CNTLN: variants seen among roughly 807,000 people sequenced by gnomAD.
CNTLN encodes centlein, centrosomal protein.
Under a neutral mutation model 180.0 loss-of-function variants are expected in CNTLN, and 212 were observed. The ratio of observed to expected loss-of-function variants is 1.18; its 90% CI spans 1.05 to 1.32. CNTLN has a LOEUF of 1.32. Among genes scored for constraint, CNTLN ranks in the 40% most tolerant of loss-of-function variants. The pLI, the probability that CNTLN is intolerant of heterozygous loss-of-function variation, is 0.00. For missense variants in CNTLN, 2,095 were observed against 1,610.9 expected, an observed-to-expected ratio of 1.30 and a Z score of -5.14; for synonymous variants, 722 against 563.1, an observed-to-expected ratio of 1.28 and a Z score of -3.99.
rs1185998235 is a variant in CNTLN at position 17,341,295 on chromosome 9, T to TG, written c.1766+349dup. 2.6e-4 allele frequency among the ~76,000 whole-genome samples: 40 copies of TG among 152,332 alleles called. 1 individual carries two copies. The highest frequency in any genetic ancestry group is 2.1e-4 in the Non-Finnish European group (14 of 68,038). Reference sequence around the variant, plus strand: ...ACTTGCTTTTAAATAAATAAAATACTGGTGTTAAAATGTTTATAACTCCAA... The same window carrying TG: ...ACTTGCTTTTAAATAAATAAAATACTGGGTGTTAAAATGTTTATAACTCCAA... On this transcript the variant is annotated intron_variant, in intron 11 of 25. Transcript: ENST00000380647.
chr9:17,214,947 C>A (rs1280259558), intron 2 of CNTLN, among the ~76,000 whole-genome samples: 2 of 152,114 alleles, frequency 1.3e-5, no homozygotes, highest in African/African-American at 4.8e-5. Flanking sequence ...TCTAGTTAGC[C>A]ATTTGTCTAA....
rs192178822 is a variant in CNTLN at position 17,336,777 on chromosome 9, T to G, written c.1644+4047T>G. On this transcript the variant is annotated intron_variant, in intron 10 of 25. Transcript: ENST00000380647. ...AATGTGCAGGTTTGTTACATAGGTG[T>G]ACATGTGCCATGGTGGTTTGCTGCA... is the stretch of plus-strand genomic sequence containing the variant. 2.6e-4 allele frequency among the ~76,000 whole-genome samples: 39 copies of G among 152,340 alleles called. No homozygotes were observed. In the East Asian group the frequency reaches 7.3e-3, roughly 29 times the overall value.
intron 2 of CNTLN, among the ~76,000 whole-genome samples, chr9:17,174,752 C>T (rs1256462685): frequency 6.6e-6 from 1 of 151,426 alleles, no homozygotes; most frequent in Non-Finnish European, 1.5e-5. Flanking sequence ...AGTGTCTATA[C>T]CATTTTACAT....
At chr9:17,520,372 AG>A in the CNTLN span, among the ~76,000 whole-genome samples, 1 of 152,236 alleles carries the variant, frequency 6.6e-6, no homozygotes, top group Non-Finnish European at 1.5e-5. Flanking sequence ...AACAGCAGGT[AG>A]AGGATCAGAG....
At chr9:17,467,675 G>A (rs930493010) in intron 23 of CNTLN, among the ~76,000 whole-genome samples, 2 of 151,608 alleles carry the variant, frequency 1.3e-5, no homozygotes, top group African/African-American at 2.4e-5. Context: ...TTTAGTAAAT[G>A]TAATTTACCT....
chr9:17,296,392 C>T (rs1417530305), intron 6 of CNTLN, among the ~76,000 whole-genome samples: 2 of 152,002 alleles, frequency 1.3e-5, no homozygotes, highest in East Asian at 1.9e-4. Context: ...GCTACGGATT[C>T]GGGCCTTCTC....
intron 13 of CNTLN, among the ~76,000 whole-genome samples, chr9:17,374,280 A>G (rs1472399915): frequency 6.6e-6 from 1 of 152,244 alleles, no homozygotes; most frequent in Non-Finnish European, 1.5e-5. Flanking sequence ...AAAAAATTTA[A>G]TAATCCAATT....
At chr9:17,259,361 G>C (rs866205274) in intron 5 of CNTLN, among the ~76,000 whole-genome samples, 7 of 130,426 alleles carry the variant, frequency 5.4e-5, no homozygotes, top group South Asian at 6.4e-4. Context: ...TTGATGTGCT[G>C]CTGGATTCAG....
chr9:17,325,039 A>AT (rs1338598785), intron 8 of CNTLN, among the ~76,000 whole-genome samples: 1 of 151,746 alleles, frequency 6.6e-6, no homozygotes, highest in Non-Finnish European at 1.5e-5. Context: ...ATTTGTTGAT[A>AT]TTAGACATTT....
At chr9:17,372,196 C>T (rs1301422047) in intron 13 of CNTLN, among the ~76,000 whole-genome samples, 4 of 151,814 alleles carry the variant, frequency 2.6e-5, no homozygotes, top group African/African-American at 9.7e-5. Context: ...AAAAAGCTAA[C>T]CAAAATTTAC....
At chr9:17,354,784 C>A (rs897524102) in intron 12 of CNTLN, among the ~76,000 whole-genome samples, 1 of 152,066 alleles carries the variant, frequency 6.6e-6, no homozygotes, top group African/African-American at 2.4e-5. Flanking sequence ...CCGCTCCAGT[C>A]CCCTTCCACA....
intron 12 of CNTLN, among the ~76,000 whole-genome samples, chr9:17,343,453 T>A (rs1821637766): frequency 6.6e-6 from 1 of 152,202 alleles, no homozygotes. Flanking sequence ...GTATAACTTT[T>A]GTTTACAGCC....
intron 10 of CNTLN, among the ~76,000 whole-genome samples, chr9:17,340,047 C>T (rs987462302): frequency 6.6e-6 from 1 of 151,984 alleles, no homozygotes; most frequent in African/African-American, 2.4e-5. Flanking sequence ...GTCCTAGCTA[C>T]TTGGGAGGCT....
At chr9:17,473,240 C>G (rs190936599) in intron 23 of CNTLN, among the ~76,000 whole-genome samples, 101 of 152,296 alleles carry the variant, frequency 6.6e-4, no homozygotes, top group African/African-American at 2.2e-3. Flanking sequence ...CTCCACATTT[C>G]CCAGTCATTC....
At chr9:17,143,245 C>G (rs772988743) in intron 1 of CNTLN, 43 bp from the exon 2 acceptor site, 4 of 1,330,886 alleles carry the variant, frequency 3.0e-6, no homozygotes, top group Non-Finnish European at 4.3e-6. Flanking sequence ...ATTTCACTAC[C>G]ACTACAAAGC....
In CNTLN at chr9:17,135,273, G is replaced by A. The variant is rs749777878; in HGVS notation, c.208G>A (p.Gly70Arg). 9 of 1,598,764 alleles carry A rather than the reference G, an allele frequency of 5.6e-6. No homozygotes were observed. Among genetic ancestry groups the A allele is most frequent in the African/African-American group, 5.4e-5 (4 of 74,708 alleles). Residue 70 changes from glycine to arginine, a missense_variant, in exon 1 of 26, where the codon GGG becomes AGG. Gly to Arg is a moderately radical substitution (Grantham distance 125, BLOSUM62 -2). Coordinates refer to ENST00000380647, the MANE Select transcript of CNTLN (RefSeq NM_017738.4). ...AGGGTCAGGGGGCCGGCGAGGGCCT[G>A]GGGGGGCAGCTCCGGCTCATGCTCC... ...EEGSGGRRGPGGAAPAHAPLL... is the reference protein window; with the variant it reads ...EEGSGGRRGPRGAAPAHAPLL...
intron 8 of CNTLN, among the ~76,000 whole-genome samples, chr9:17,325,577 G>A (rs72703853): frequency 5.6e-4 from 67 of 119,400 alleles, no homozygotes; most frequent in African/African-American, 9.4e-4. Context: ...ACACACACAC[G>A]CACACACACA....
intron 10 of CNTLN, among the ~76,000 whole-genome samples, chr9:17,338,521 C>A (rs1234393971): frequency 6.6e-6 from 1 of 151,426 alleles, no homozygotes; most frequent in Non-Finnish European, 1.5e-5. Context: ...ATATGTCTTG[C>A]TGAAATCACT....
At chr9:17,273,990 T>A in intron 6 of CNTLN, 124 bp downstream of exon 6, 2 of 764,174 alleles carry the variant, frequency 2.6e-6, no homozygotes, top group Non-Finnish European at 3.9e-6. Flanking sequence ...TATATATGTT[T>A]GTGCATTGAG....
Sources: gnomAD v4.1 joint callset for allele counts (sites outside exome capture counted in the v4.1 genomes callset) on GRCh38, gnomAD v4.1.1 for gene constraint, MANE v1.5 for transcripts, NCBI Gene and HGNC (gene_info 2026-07-23, HGNC 2026-07-21) for gene names.